SMC3: variants seen among roughly 807,000 people sequenced by gnomAD.
The protein encoded by SMC3 is structural maintenance of chromosomes protein 3.
A neutral mutation model predicts 171.8 loss-of-function variants in SMC3; 20 were observed. The observed-to-expected ratio is 0.12, with a 90% CI of 0.08 to 0.17. The LOEUF is 0.17. Among genes scored for constraint, SMC3 ranks in the 10% least tolerant of loss-of-function variants. The probability of loss-of-function intolerance (pLI) is 1.00; values close to 1 mark genes in which losing one functional copy is unlikely to be tolerated. For synonymous variants in SMC3, 464 were observed against 451.1 expected, an observed-to-expected ratio of 1.03 and a Z score of -0.36; for missense variants, 543 against 1,420.4, an observed-to-expected ratio of 0.38 and a Z score of 9.93.
chr10:110,590,210 C>T (rs1386300402), intron 15 of SMC3, among the ~76,000 whole-genome samples: 1 of 152,188 alleles, frequency 6.6e-6, no homozygotes, highest in Non-Finnish European at 1.5e-5. Flanking sequence ...CCATTTTTAA[C>T]ACTACTGTTA....
At position 110,592,967 on chromosome 10, in the gene SMC3, A is replaced by T. The variant is rs190479170; in HGVS notation, c.1813-106A>T. 31 of 948,026 alleles carry T rather than the reference A, an allele frequency of 3.3e-5. No individual in the cohort carries two copies. The Admixed American group carries it at 5.7e-4, about 17-fold the overall frequency. 58.7% of individuals were successfully genotyped at this position (948,026 alleles called of 1,614,324 possible). ...GAAAACGCCAATCGTTTTGAAATAT[A>T]ATGGTGTTTATGGTTTATTTGTATT... On this transcript the variant is annotated intron_variant, in intron 17 of 28. Transcript: ENST00000361804.
intron 17 of SMC3, among the ~76,000 whole-genome samples, 174 bp from the exon 18 acceptor site, chr10:110,592,899 T>TACCAGG (rs1861230713): frequency 6.6e-6 from 1 of 152,214 alleles, no homozygotes; most frequent in Admixed American, 6.5e-5. Flanking sequence ...AGAGCAAAAT[T>TACCAGG]ACCAGGATAT....
chr10:110,596,343 A>G lies in SMC3; in HGVS notation c.1964-55A>G, dbSNP rs908920111. The G allele has an allele frequency of 8.0e-6, 12 of 1,504,114 alleles. No individual in the cohort carries two copies. The Admixed American group carries it at 1.4e-4, about 18-fold the overall frequency. The allele number at this position is 1,504,114 out of a possible 1,614,324, so 93.2% of individuals were successfully genotyped here. Reference sequence around the variant, plus strand: ...AGGTTAGTTTTTTTGTTATAAGTCAATTTATCATTGAATAAAAAAGTTGTA... The same window carrying G: ...AGGTTAGTTTTTTTGTTATAAGTCAGTTTATCATTGAATAAAAAAGTTGTA... On this transcript the variant is annotated intron_variant, in intron 18 of 28. Transcript: ENST00000361804.
At chr10:110,585,133 A>T (rs540983516) in intron 13 of SMC3, among the ~76,000 whole-genome samples, 1 of 151,842 alleles carries the variant, frequency 6.6e-6, no homozygotes, top group East Asian at 1.9e-4. Context: ...GGCATGCACC[A>T]CCAAGCCCAG....
intron 11 of SMC3, 32 bp downstream of exon 11, chr10:110,583,580 A>G (rs772744400): frequency 6.2e-7 from 1 of 1,607,020 alleles, no homozygotes; most frequent in East Asian, 2.2e-5. Flanking sequence ...GAAAGATGTG[A>G]ATGTTCAGGT....
Position 110,600,539 on chromosome 10 carries a change from T to A in SMC3, c.2528T>A (p.Val843Glu). The change falls in exon 22 of 29, where the codon GTA (valine) becomes GAA (glutamate). Residue 843 changes from valine to glutamate, a missense_variant. Physicochemically the swap from Val to Glu is moderately radical, Grantham distance 121. Around this residue, in one of 8 missense-constraint regions of SMC3, gnomAD observed 33 missense variants for 33.6 expected, o/e 0.98. Coordinates refer to ENST00000361804, the MANE Select transcript of SMC3 (RefSeq NM_005445.4). ...NENLRKRLDQ[V>E]EQELNELRET... is the part of the protein sequence containing the mutation. ...AATCTGAGAAAACGCTTGGACCAAGTAGAACAGGTGTGTATGTGTTTTTTT... is the reference window on the plus strand; with the variant it reads ...AATCTGAGAAAACGCTTGGACCAAGAAGAACAGGTGTGTATGTGTTTTTTT... 6.5e-7 allele frequency: 1 copy of A among 1,530,452 alleles called. No individual in the cohort carries two copies. Among genetic ancestry groups the A allele is most frequent in the Non-Finnish European group, 9.1e-7 (1 of 1,104,460 alleles). The allele number at this position is 1,530,452 out of a possible 1,614,324, so 94.8% of individuals were successfully genotyped here.
At position 110,586,758 on chromosome 10, in the gene SMC3, A is replaced by G. The variant is rs964948485; in HGVS notation, c.1305+2362A>G. Among the ~76,000 whole-genome samples the G allele has an allele frequency of 6.6e-5, 10 of 152,116 alleles. 1 individual carries two copies. Among genetic ancestry groups the G allele is most frequent in the Admixed American group, 6.5e-4 (10 of 15,278 alleles). On this transcript the variant is annotated intron_variant, in intron 13 of 28. Transcript: ENST00000361804. ...CTGCAACTTCTGCCTCCTGGGTTCA[A>G]GCGATTCTCCTACCTCAGCCTCCCA... is the stretch of plus-strand genomic sequence containing the variant.
At chr10:110,587,908 T>C (rs1366596916) in intron 13 of SMC3, among the ~76,000 whole-genome samples, 3 of 152,202 alleles carry the variant, frequency 2.0e-5, no homozygotes, top group Non-Finnish European at 4.4e-5. Context: ...TTAACTCTTT[T>C]ATGGTTTCAG....
intron 17 of SMC3, among the ~76,000 whole-genome samples, chr10:110,592,711 G>A (rs887057102): frequency 5.9e-5 from 9 of 152,188 alleles, no homozygotes; most frequent in Admixed American, 5.2e-4. Flanking sequence ...TATAAGGAAG[G>A]TATGTATTGT....
intron 23 of SMC3, 125 bp downstream of exon 23, chr10:110,601,255 G>T (rs919375146): frequency 6.7e-6 from 5 of 744,636 alleles, no homozygotes; most frequent in Middle Eastern, 3.4e-4. Context: ...TATAAACAAT[G>T]TATAGCAAAT....
At chr10:110,578,113 G>A (rs143531104) in intron 6 of SMC3, among the ~76,000 whole-genome samples, 199 bp downstream of exon 6, 1,615 of 151,544 alleles carry the variant, frequency 0.011, 26 homozygotes, top group Admixed American at 0.045. Context: ...TTGCTCTGTC[G>A]CCCAGGCTGG....
intron 11 of SMC3, 145 bp downstream of exon 11, chr10:110,583,693 G>C: frequency 8.6e-7 from 1 of 1,162,656 alleles, no homozygotes; most frequent in Admixed American, 2.1e-5. Context: ...GTAACAACTT[G>C]GTACTGTCCC....
chr10:110,580,544 A>G (rs1029831359), intron 7 of SMC3, among the ~76,000 whole-genome samples: 4 of 152,238 alleles, frequency 2.6e-5, no homozygotes, highest in African/African-American at 7.2e-5. Context: ...TGCGTACTAT[A>G]CAAATGACAT....
At chr10:110,585,290 AT>A (rs111694406) in intron 13 of SMC3, among the ~76,000 whole-genome samples, 9,616 of 123,428 alleles carry the variant, frequency 0.078, 988 homozygotes, top group African/African-American at 0.26. Context: ...GATAGTAACA[AT>A]TTTTTTTTTT....
chr10:110,577,425 G>C lies in SMC3; in HGVS notation c.203G>C (p.Gly68Ala). 1 of 1,610,748 alleles carries C rather than the reference G, an allele frequency of 6.2e-7. No homozygotes were observed. Among genetic ancestry groups the C allele is most frequent in the Non-Finnish European group, 8.5e-7 (1 of 1,177,190 alleles). Residue 68 changes from glycine (G) to alanine (A), a missense_variant, in exon 5 of 29, where the codon GGT becomes GCT. Coordinates refer to ENST00000361804, the MANE Select transcript of SMC3 (RefSeq NM_005445.4). ...PEQRLALLHE[G>A]TGPRVISAFV... ...TCTCACTTCTTTCATTTTTAGGAAG[G>C]TACTGGTCCTCGTGTTATTTCTGCT...
At chr10:110,576,447 A>G (rs1398866867) in intron 4 of SMC3, among the ~76,000 whole-genome samples, 2 of 152,210 alleles carry the variant, frequency 1.3e-5, no homozygotes, top group African/African-American at 2.4e-5. Flanking sequence ...ACATTGGCAC[A>G]TTACCAATGT....
chr10:110,599,549 A>G (rs748354709), intron 20 of SMC3, 105 bp from the exon 21 acceptor site: 7 of 966,364 alleles, frequency 7.2e-6, no homozygotes, highest in Non-Finnish European at 9.2e-6. Context: ...ATTTGAGTTG[A>G]TATGTCTATA....
At position 110,590,701 on chromosome 10, in the gene SMC3, TAAA is replaced by T. The variant is rs768654567; in HGVS notation, c.1670+130_1670+132del. 1.6e-4 allele frequency: 126 copies of T among 809,610 alleles called. 2 individuals are homozygous for T. In the Middle Eastern group the frequency reaches 3.3e-3, roughly 21 times the overall value. The allele number at this position is 809,610 out of a possible 1,614,324, so 50.2% of individuals were successfully genotyped here. ...TATCTCGGTTCCTTAACTTTCTAAT[TAAA>T]GAAGTAGATGCTAAGTATTTGTTCC... is the stretch of plus-strand genomic sequence containing the variant. On this transcript the variant is annotated intron_variant, in intron 16 of 28. Transcript: ENST00000361804.
intron 13 of SMC3, among the ~76,000 whole-genome samples, chr10:110,586,806 C>T (rs540321192): frequency 6.6e-5 from 10 of 152,058 alleles, no homozygotes; most frequent in Non-Finnish European, 1.5e-4. Context: ...TACAGGCGCC[C>T]GCCACTGCTC....
Sources: gnomAD v4.1 joint callset for allele counts (sites outside exome capture counted in the v4.1 genomes callset) on GRCh38, gnomAD v4.1.1 for gene constraint, gnomAD v4.1.1 regional missense constraint, MANE v1.5 for transcripts, NCBI Gene and HGNC (gene_info 2026-07-23, HGNC 2026-07-21) for gene names.